The following PCDH9 variants were observed in gnomAD, a reference collection of about 807,000 sequenced individuals.
The protein encoded by PCDH9 is protocadherin 9.
PCDH9 carries 24 observed loss-of-function variants against 70.6 expected under a neutral mutation model. That is an observed-to-expected ratio of 0.34 (90% CI 0.25 to 0.48). The LOEUF is 0.48. Ranked by LOEUF, PCDH9 falls within the 20% of genes least tolerant of loss-of-function variation. The pLI is 0.99. For missense variants in PCDH9, 1,281 were observed against 1,503.6 expected (o/e 0.85, Z 2.45); for synonymous variants, 562 against 558.5 (o/e 1.01, Z -0.09).
chr13:66,732,487 A>G (rs1476954057), intron 3 of PCDH9, among the ~76,000 whole-genome samples: 1 of 152,042 alleles, frequency 6.6e-6, no homozygotes, highest in Non-Finnish European at 1.5e-5. Context: ...TTCAATAATT[A>G]GCTTCTATTT....
chr13:66,325,528 A>G (rs1017172928), intron 4 of PCDH9, among the ~76,000 whole-genome samples: 10 of 152,094 alleles, frequency 6.6e-5, no homozygotes, highest in African/African-American at 2.2e-4. Context: ...TGACAAGGTT[A>G]AATTTCTGAT....
At position 66,903,485 on chromosome 13, in the gene PCDH9, C is replaced by A; in HGVS notation, c.3138+19G>T. ...AAATTTATCAGTACTAACATGTTCT[C>A]TATAGATATATGGCATACCTCGTAA... On this transcript the variant is annotated intron_variant, in intron 3 of 4. Coordinates refer to ENST00000377865, the MANE Select transcript of PCDH9 (RefSeq NM_203487.3). 9.7e-7 allele frequency: 1 copy of A among 1,034,126 alleles called. No homozygotes were observed. The highest frequency in any genetic ancestry group is 1.3e-5 in the South Asian group (1 of 77,178). The allele number at this position is 1,034,126 out of a possible 1,614,324, so 64.1% of individuals were successfully genotyped here.
intron 3 of PCDH9, among the ~76,000 whole-genome samples, chr13:66,888,879 G>A (rs2082050807): frequency 6.6e-6 from 1 of 152,164 alleles, no homozygotes; most frequent in Non-Finnish European, 1.5e-5. Context: ...TACAGAAGCT[G>A]TGATTTTCCT....
At chr13:67,181,693 G>T (rs1378791802) in intron 2 of PCDH9, among the ~76,000 whole-genome samples, 1 of 151,860 alleles carries the variant, frequency 6.6e-6, no homozygotes, top group Admixed American at 6.6e-5. Flanking sequence ...AAAGAAGGAG[G>T]GACAGTGTAA....
At chr13:66,907,702 TA>T (rs2082387240) in intron 2 of PCDH9, among the ~76,000 whole-genome samples, 1 of 152,198 alleles carries the variant, frequency 6.6e-6, no homozygotes, top group African/African-American at 2.4e-5. Flanking sequence ...AAGATCTTTT[TA>T]TGAAAAACAC....
At chr13:66,430,406 C>G (rs1159135722) in intron 4 of PCDH9, among the ~76,000 whole-genome samples, 1 of 152,022 alleles carries the variant, frequency 6.6e-6, no homozygotes, top group African/African-American at 2.4e-5. Context: ...GAAACTAGCT[C>G]TTCTATTTTC....
intron 2 of PCDH9, among the ~76,000 whole-genome samples, chr13:66,938,092 T>C (rs1025366941): frequency 6.6e-6 from 1 of 152,158 alleles, no homozygotes; most frequent in South Asian, 2.1e-4. Context: ...TCAGAATAGA[T>C]TGTAGTAACT....
intron 4 of PCDH9, among the ~76,000 whole-genome samples, chr13:66,414,895 G>T (rs1957436073): frequency 6.6e-6 from 1 of 152,044 alleles, no homozygotes; most frequent in Non-Finnish European, 1.5e-5. Flanking sequence ...CTGTTTTCCT[G>T]TATAAATAAA....
At chr13:67,108,295 C>T (rs2086588289) in intron 2 of PCDH9, among the ~76,000 whole-genome samples, 1 of 152,142 alleles carries the variant, frequency 6.6e-6, no homozygotes, top group Non-Finnish European at 1.5e-5. Flanking sequence ...GATCCCATGA[C>T]AGTATAGTAT....
intron 3 of PCDH9, among the ~76,000 whole-genome samples, chr13:66,684,426 A>T (rs2078371128): frequency 6.6e-6 from 1 of 152,180 alleles, no homozygotes. Flanking sequence ...TGTAGTTCCC[A>T]TAATCCCCAT....
intron 4 of PCDH9, among the ~76,000 whole-genome samples, chr13:66,460,309 C>T (rs1181122538): frequency 6.6e-6 from 1 of 151,866 alleles, no homozygotes; most frequent in Non-Finnish European, 1.5e-5. Context: ...AGAACTGCTA[C>T]CTTTTCTAAT....
At chr13:66,697,971 C>T (rs1318225577) in intron 3 of PCDH9, among the ~76,000 whole-genome samples, 1 of 152,026 alleles carries the variant, frequency 6.6e-6, no homozygotes, top group African/African-American at 2.4e-5. Context: ...CTGATGCATG[C>T]TGTTATATGG....
intron 4 of PCDH9, among the ~76,000 whole-genome samples, chr13:66,630,502 C>A (rs1458443530): frequency 2.6e-5 from 4 of 152,038 alleles, no homozygotes; most frequent in Non-Finnish European, 4.4e-5. Context: ...GGAAAACACC[C>A]CCCAACAATG....
chr13:66,883,577 A>T (rs888022433), intron 3 of PCDH9, among the ~76,000 whole-genome samples: 1 of 152,204 alleles, frequency 6.6e-6, no homozygotes, highest in Non-Finnish European at 1.5e-5. Context: ...TTCTAAGCAC[A>T]ACCATTTCTT....
At chr13:66,681,245 A>G (rs1029680675) in intron 3 of PCDH9, among the ~76,000 whole-genome samples, 8 of 152,106 alleles carry the variant, frequency 5.3e-5, no homozygotes, top group African/African-American at 1.7e-4. Flanking sequence ...CAGAGAGCAT[A>G]TTGCCAAACA....
chr13:66,463,267 G>A (rs1030026038), intron 4 of PCDH9, among the ~76,000 whole-genome samples: 7 of 151,886 alleles, frequency 4.6e-5, no homozygotes, highest in African/African-American at 1.7e-4. Flanking sequence ...ATTCAAGAGA[G>A]CAAAGAATGC....
At chr13:66,841,342 T>C (rs989867213) in intron 3 of PCDH9, among the ~76,000 whole-genome samples, 8 of 152,174 alleles carry the variant, frequency 5.3e-5, no homozygotes, top group African/African-American at 1.2e-4. Flanking sequence ...ATGAAAATTA[T>C]GTGATTTCCC....
intron 2 of PCDH9, among the ~76,000 whole-genome samples, chr13:67,138,198 C>T (rs368507918): frequency 2.6e-5 from 4 of 152,040 alleles, no homozygotes; most frequent in East Asian, 1.9e-4. Flanking sequence ...TCCTCAATGT[C>T]CTCCTATACA....
intron 4 of PCDH9, among the ~76,000 whole-genome samples, 167 bp downstream of exon 4, chr13:66,631,043 A>G (rs2077564411): frequency 6.6e-6 from 1 of 152,228 alleles, no homozygotes; most frequent in Non-Finnish European, 1.5e-5. Flanking sequence ...AGCCAAAATC[A>G]TATCAAACAT....
Sources: allele counts gnomAD v4.1 joint callset (sites outside exome capture counted in the v4.1 genomes callset), GRCh38; gene constraint gnomAD v4.1.1; transcripts MANE v1.5; gene names NCBI Gene and HGNC (gene_info 2026-07-23, HGNC 2026-07-21).